The following ZMYM2 variants were observed in gnomAD, a reference collection of about 807,000 sequenced individuals.
ZMYM2 encodes zinc finger MYM-type containing 2, also known as zinc finger MYM-type protein 2.
ZMYM2 carries 56 observed loss-of-function variants against 162.8 expected under a neutral mutation model. That is an observed-to-expected ratio of 0.34 (90% CI 0.28 to 0.43). The LOEUF (loss-of-function observed/expected upper bound fraction) is 0.43, where lower values mean the gene tolerates loss of function less well. Ranked by LOEUF, ZMYM2 falls within the 20% of genes least tolerant of loss-of-function variation. The pLI is 1.00. For missense variants in ZMYM2, 1,275 were observed against 1,621.8 expected (o/e 0.79, Z 3.67); for synonymous variants, 510 against 541.6 (o/e 0.94, Z 0.81).
chr13:19,998,437 T>C (rs1430530943), intron 3 of ZMYM2, among the ~76,000 whole-genome samples: 1 of 152,172 alleles, frequency 6.6e-6, no homozygotes, highest in African/African-American at 2.4e-5. Flanking sequence ...GCCTACAAAA[T>C]AGAACACCCC....
the ZMYM2 span, among the ~76,000 whole-genome samples, chr13:19,878,313 A>G: frequency 6.6e-6 from 1 of 152,016 alleles, no homozygotes; most frequent in African/African-American, 2.4e-5. Flanking sequence ...TCAGCCTCCC[A>G]AGGTACTGGG....
chr13:20,075,716 CTA>C (rs1491383336), intron 21 of ZMYM2, among the ~76,000 whole-genome samples: 1 of 112,964 alleles, frequency 8.9e-6, no homozygotes, highest in Non-Finnish European at 1.7e-5. Context: ...GACAGAGTCT[CTA>C]TCGCCCAGGC....
intron 2 of ZMYM2, among the ~76,000 whole-genome samples, chr13:19,985,684 A>C (rs1949074399): frequency 1.3e-5 from 2 of 151,330 alleles, no homozygotes; most frequent in South Asian, 4.2e-4. Flanking sequence ...CCTGGGCAAC[A>C]GGGCGAGACT....
the ZMYM2 span, among the ~76,000 whole-genome samples, chr13:19,920,760 ATGTATG>A: frequency 1.3e-5 from 2 of 151,516 alleles, no homozygotes; most frequent in Admixed American, 1.3e-4. Flanking sequence ...GTATGTATGT[ATGTATG>A]TATGTATGTA....
At chr13:19,975,449 A>AC (rs1041764155) in intron 2 of ZMYM2, among the ~76,000 whole-genome samples, 2 of 152,168 alleles carry the variant, frequency 1.3e-5, no homozygotes, top group African/African-American at 4.8e-5. Context: ...GGCCTACTTC[A>AC]CTTAGCATAA....
intron 16 of ZMYM2, 54 bp downstream of exon 16, chr13:20,059,616 G>A: frequency 1.2e-6 from 1 of 833,534 alleles, no homozygotes; most frequent in African/African-American, 1.7e-5. Context: ...ACACAGTTGG[G>A]AAAACAGTGT....
chr13:19,879,902 C>T, the ZMYM2 span, among the ~76,000 whole-genome samples: 9 of 152,256 alleles, frequency 5.9e-5, no homozygotes, highest in East Asian at 9.6e-4. Context: ...CACTAATGTG[C>T]GTAAGCATTC....
At chr13:19,947,206 G>A in the ZMYM2 span, among the ~76,000 whole-genome samples, 2 of 151,846 alleles carry the variant, frequency 1.3e-5, no homozygotes, top group Admixed American at 1.3e-4. Context: ...GACTAGAGGT[G>A]CCCGCCACCA....
chr13:19,870,635 C>T, the ZMYM2 span, among the ~76,000 whole-genome samples: 3 of 146,482 alleles, frequency 2.0e-5, no homozygotes, highest in Admixed American at 6.8e-5. Context: ...GACAGAGTCT[C>T]GCTCTATTGC....
chr13:19,933,596 C>G, the ZMYM2 span, among the ~76,000 whole-genome samples: 8 of 152,088 alleles, frequency 5.3e-5, no homozygotes, highest in African/African-American at 1.7e-4. Context: ...GGGATCAACA[C>G]CTGTTAAGAT....
intron 23 of ZMYM2, among the ~76,000 whole-genome samples, chr13:20,083,386 A>G (rs543467990): frequency 1.3e-5 from 2 of 152,340 alleles, no homozygotes; most frequent in African/African-American, 4.8e-5. Context: ...GGGATTGTCT[A>G]TGGTAGGGAT....
At chr13:20,009,766 T>C (rs1032415826) in intron 6 of ZMYM2, among the ~76,000 whole-genome samples, 2 of 152,246 alleles carry the variant, frequency 1.3e-5, no homozygotes, top group South Asian at 4.1e-4. Context: ...TATGGCTGAA[T>C]AGTATTCATT....
the ZMYM2 span, among the ~76,000 whole-genome samples, chr13:19,885,298 C>G: frequency 6.6e-6 from 1 of 152,132 alleles, no homozygotes; most frequent in South Asian, 2.1e-4. Flanking sequence ...AGAAACAAGT[C>G]TTTATTTGAT....
the ZMYM2 span, among the ~76,000 whole-genome samples, chr13:19,918,495 CTTTTT>C: frequency 2.8e-3 from 301 of 107,486 alleles, 3 homozygotes; most frequent in South Asian, 0.036. Flanking sequence ...TTCTTTCTTT[CTTTTT>C]TTTTTTTTTT....
chr13:20,062,957 T>C lies in ZMYM2; in HGVS notation c.3023T>C (p.Ile1008Thr), dbSNP rs1230266774. The change falls in exon 18 of 25, where the codon ATA (isoleucine) becomes ACA (threonine). Residue 1008 changes from isoleucine (I) to threonine (T), a missense_variant. This residue lies in a region of ZMYM2 where 229 missense variants were observed against 283.8 expected (regional missense o/e 0.81). Coordinates refer to ENST00000610343, the MANE Select transcript of ZMYM2 (RefSeq NM_197968.4). ...VPYEPDLDIE[I>T]DFPRAAEELD... The stretch of plus-strand genomic sequence containing the variant: ...TATGAACCAGATTTGGATATCGAAA[T>C]AGATTTTCCCAGAGGTACTCAAAAC... The C allele has an allele frequency of 6.2e-7, 1 of 1,601,744 alleles. No homozygotes were observed. Among genetic ancestry groups the C allele is most frequent in the Non-Finnish European group, 8.5e-7 (1 of 1,173,780 alleles).
intron 12 of ZMYM2, among the ~76,000 whole-genome samples, chr13:20,039,424 A>AGGT (rs1954025108): frequency 6.9e-6 from 1 of 145,858 alleles, no homozygotes; most frequent in Non-Finnish European, 1.5e-5. Context: ...GTCATAGATG[A>AGGT]CTCTTTATTA....
chr13:20,018,231 A>G (rs1023024469), intron 6 of ZMYM2, among the ~76,000 whole-genome samples: 27 of 152,316 alleles, frequency 1.8e-4, no homozygotes, highest in African/African-American at 4.1e-4. Context: ...TCTTAGTACT[A>G]TTATTACATA....
At chr13:20,073,034 A>G (rs1046909102) in intron 21 of ZMYM2, among the ~76,000 whole-genome samples, 1 of 151,896 alleles carries the variant, frequency 6.6e-6, no homozygotes, top group Non-Finnish European at 1.5e-5. Context: ...CAGCCTCCCA[A>G]GTAGCTGGGA....
the ZMYM2 span, among the ~76,000 whole-genome samples, chr13:19,911,285 C>A: frequency 6.6e-6 from 1 of 152,036 alleles, no homozygotes; most frequent in Non-Finnish European, 1.5e-5. Flanking sequence ...TCTGGAACTC[C>A]TGACCTCAAG....
Sources: allele counts gnomAD v4.1 joint callset (sites outside exome capture counted in the v4.1 genomes callset), GRCh38; gene constraint gnomAD v4.1.1; regional missense constraint gnomAD v4.1.1; transcripts MANE v1.5; gene names NCBI Gene and HGNC (gene_info 2026-07-23, HGNC 2026-07-21).